DYNC1I1: variants seen among roughly 807,000 people sequenced by gnomAD.
DYNC1I1 encodes the protein dynein cytoplasmic 1 intermediate chain 1, also known as cytoplasmic dynein 1 intermediate chain 1.
In DYNC1I1, 43 loss-of-function variants were observed where a neutral mutation model predicts 86.6. The observed-to-expected ratio is 0.50, with a 90% confidence interval of 0.39 to 0.64. DYNC1I1 has a LOEUF of 0.64. DYNC1I1 is among the 30% of genes least tolerant of loss of function. DYNC1I1 has a pLI of 0.00. For missense variants in DYNC1I1, 604 were observed against 788.8 expected (o/e 0.77, Z 2.81); for synonymous variants, 262 against 283.7 (o/e 0.92, Z 0.77).
In DYNC1I1 at chr7:96,097,756, A is replaced by T; in HGVS notation, c.*163A>T. 7.4e-7 allele frequency: 1 copy of T among 1,346,754 alleles called. No individual in the cohort carries two copies. Among genetic ancestry groups the T allele is most frequent in the Non-Finnish European group, 9.6e-7 (1 of 1,044,086 alleles). The allele number at this position is 1,346,754 out of a possible 1,614,324, so 83.4% of individuals were successfully genotyped here. A position where few individuals can be genotyped will look rare whatever the true frequency, so the allele number is the denominator to read the frequency against. ...GCTCCAAGTATTCTAAATGTGTCCC[A>T]TCATGCTTTCCACTGACCCAAAATT... On this transcript the variant is annotated 3_prime_UTR_variant, in exon 17 of 17. Coordinates refer to ENST00000447467, the MANE Select transcript of DYNC1I1 (RefSeq NM_001135556.2).
intron 6 of DYNC1I1, among the ~76,000 whole-genome samples, chr7:95,931,665 C>T (rs948150724): frequency 9.9e-5 from 15 of 152,170 alleles, no homozygotes; most frequent in African/African-American, 3.1e-4. Context: ...AACACAGCCA[C>T]GCCCATTTAT....
At chr7:96,072,888 AT>A (rs1275810710) in intron 14 of DYNC1I1, among the ~76,000 whole-genome samples, 1 of 152,194 alleles carries the variant, frequency 6.6e-6, no homozygotes, top group African/African-American at 2.4e-5. Flanking sequence ...CATGAGACAG[AT>A]TTTTTTAATC....
intron 10 of DYNC1I1, among the ~76,000 whole-genome samples, chr7:96,011,531 A>T (rs1267376046): frequency 6.6e-6 from 1 of 152,140 alleles, no homozygotes; most frequent in African/African-American, 2.4e-5. Context: ...TGCTCAGGAG[A>T]ATTTTCACCT....
At chr7:96,077,856 T>G (rs1391962678) in intron 15 of DYNC1I1, among the ~76,000 whole-genome samples, 1 of 152,176 alleles carries the variant, frequency 6.6e-6, no homozygotes, top group Non-Finnish European at 1.5e-5. Flanking sequence ...AAATATAATT[T>G]TTTCCCTTCT....
chr7:95,914,406 GA>G (rs1196521866), intron 6 of DYNC1I1, among the ~76,000 whole-genome samples: 2 of 152,164 alleles, frequency 1.3e-5, no homozygotes, highest in Non-Finnish European at 2.9e-5. Context: ...AATTTAAAAA[GA>G]AAGCTCAAAA....
intron 5 of DYNC1I1, among the ~76,000 whole-genome samples, chr7:95,844,232 G>A (rs1032457059): frequency 1.3e-5 from 2 of 152,084 alleles, no homozygotes; most frequent in Non-Finnish European, 2.9e-5. Flanking sequence ...CAGAAGCCTC[G>A]TGATTATATT....
At chr7:96,036,871 A>T (rs746327176) in intron 13 of DYNC1I1, among the ~76,000 whole-genome samples, 1 of 152,174 alleles carries the variant, frequency 6.6e-6, no homozygotes, top group Non-Finnish European at 1.5e-5. Context: ...GTAAAATTGC[A>T]TGCAAAACTT....
chr7:95,825,973 C>T (rs533990304), intron 4 of DYNC1I1, among the ~76,000 whole-genome samples: 13 of 152,302 alleles, frequency 8.5e-5, no homozygotes, highest in Admixed American at 7.2e-4. Flanking sequence ...TATTAAAGCT[C>T]TCCAGGTCAT....
intron 6 of DYNC1I1, among the ~76,000 whole-genome samples, chr7:95,880,957 C>T (rs1790441700): frequency 6.6e-6 from 1 of 152,064 alleles, no homozygotes; most frequent in African/African-American, 2.4e-5. Context: ...TTATTTTGGC[C>T]TCCCTCCATT....
intron 14 of DYNC1I1, among the ~76,000 whole-genome samples, chr7:96,060,535 A>T (rs1014327252): frequency 2.0e-5 from 3 of 152,210 alleles, no homozygotes; most frequent in African/African-American, 7.2e-5. Context: ...AGTATTCTGT[A>T]TGATGCTATA....
chr7:95,976,228 A>G (rs1793300063), intron 6 of DYNC1I1, among the ~76,000 whole-genome samples: 1 of 152,230 alleles, frequency 6.6e-6, no homozygotes, highest in Non-Finnish European at 1.5e-5. Flanking sequence ...TTGGCTCCAC[A>G]GTCTACCTGC....
At chr7:96,074,684 T>C (rs1463935550) in intron 14 of DYNC1I1, among the ~76,000 whole-genome samples, 9 of 152,246 alleles carry the variant, frequency 5.9e-5, no homozygotes, top group Admixed American at 3.9e-4. Flanking sequence ...GGTTACAGTT[T>C]TATTGTTTTC....
intron 5 of DYNC1I1, among the ~76,000 whole-genome samples, chr7:95,858,660 A>G (rs1789790341): frequency 6.6e-6 from 1 of 151,920 alleles, no homozygotes; most frequent in South Asian, 2.1e-4. Flanking sequence ...ACTAACTTAT[A>G]GGAATTTTTC....
rs557721512 is a variant in DYNC1I1 at position 96,079,414 on chromosome 7, G to A, written c.1651-949G>A. 5.9e-5 allele frequency among the ~76,000 whole-genome samples: 9 copies of A among 152,056 alleles called. No homozygotes were observed. The East Asian group carries it at 9.7e-4, about 16-fold the overall frequency. On this transcript the variant is annotated intron_variant, in intron 15 of 16. Coordinates refer to ENST00000447467, the MANE Select transcript of DYNC1I1 (RefSeq NM_001135556.2). ...TTTCCTATTCAACATTCTTGTAAAA[G>A]GCTCAAGAGATCTGAGCTTTATGTC...
intron 14 of DYNC1I1, among the ~76,000 whole-genome samples, chr7:96,040,723 T>C (rs528992740): frequency 7.2e-5 from 11 of 151,750 alleles, no homozygotes; most frequent in South Asian, 2.1e-4. Context: ...GTAGTTTTTT[T>C]TTTTTTTCTT....
At chr7:95,910,793 C>T (rs532771882) in intron 6 of DYNC1I1, among the ~76,000 whole-genome samples, 1 of 152,280 alleles carries the variant, frequency 6.6e-6, no homozygotes, top group Admixed American at 6.5e-5. Context: ...GGCAATAGCA[C>T]CCCTCACAGG....
At chr7:95,990,788 G>A (rs898971257) in intron 9 of DYNC1I1, among the ~76,000 whole-genome samples, 1 of 152,114 alleles carries the variant, frequency 6.6e-6, no homozygotes, top group African/African-American at 2.4e-5. Flanking sequence ...CCAACACTTT[G>A]GGAGGCCACA....
chr7:96,039,479 C>G, intron 14 of DYNC1I1, 58 bp downstream of exon 14: 3 of 1,607,334 alleles, frequency 1.9e-6, no homozygotes, highest in Non-Finnish European at 2.5e-6. Flanking sequence ...GATGGTTTTT[C>G]ATTCCCTGGA....
At chr7:95,995,462 C>G (rs190956139) in intron 9 of DYNC1I1, among the ~76,000 whole-genome samples, 3 of 152,036 alleles carry the variant, frequency 2.0e-5, no homozygotes, top group Admixed American at 6.6e-5. Context: ...ATATAAAGAC[C>G]TGCATCTCAG....
Sources: gnomAD v4.1 joint callset for allele counts (sites outside exome capture counted in the v4.1 genomes callset) on GRCh38, gnomAD v4.1.1 for gene constraint, MANE v1.5 for transcripts, NCBI Gene and HGNC (gene_info 2026-07-23, HGNC 2026-07-21) for gene names.